RB1: variants seen among roughly 807,000 people sequenced by gnomAD.
The protein encoded by RB1 is retinoblastoma-associated protein.
Under a neutral mutation model 135.4 loss-of-function variants are expected in RB1, and 18 were observed. That is an observed-to-expected ratio of 0.13 (90% CI 0.09 to 0.20). The LOEUF is 0.20. Among genes scored for constraint, RB1 ranks in the 10% least tolerant of loss-of-function variants. The pLI, the probability that RB1 is intolerant of heterozygous loss-of-function variation, is 1.00. For missense variants in RB1, 868 were observed against 1,110.0 expected, an observed-to-expected ratio of 0.78 and a Z score of 3.10; for synonymous variants, 365 against 373.2, an observed-to-expected ratio of 0.98 and a Z score of 0.25.
At chr13:48,311,690 T>A (rs1393808109) in intron 2 of RB1, among the ~76,000 whole-genome samples, 1 of 152,164 alleles carries the variant, frequency 6.6e-6, no homozygotes, top group East Asian at 1.9e-4. Flanking sequence ...TAAATTCTGT[T>A]TTTTATTAAT....
At position 48,456,191 on chromosome 13, in the gene RB1, T is replaced by C. The variant is rs1285467120; in HGVS notation, c.1815-13T>C. 1.2e-6 allele frequency: 2 copies of C among 1,613,822 alleles called. No individual in the cohort carries two copies. The highest frequency in any genetic ancestry group is 8.5e-7 in the Non-Finnish European group (1 of 1,179,818). On this transcript the variant is annotated splice_polypyrimidine_tract_variant and intron_variant, in intron 18 of 26. Coordinates refer to ENST00000267163, the MANE Select transcript of RB1 (RefSeq NM_000321.3). ...CAACTTGAAATGAAGACTTTTCCTT[T>C]AAATATATCTAGGTATCTTTCTCCT...
intron 2 of RB1, among the ~76,000 whole-genome samples, chr13:48,322,240 CT>C (rs1021024957): frequency 2.0e-5 from 3 of 152,238 alleles, no homozygotes; most frequent in African/African-American, 7.2e-5. Flanking sequence ...GATCACCTTT[CT>C]TTTTATGGCT....
At chr13:48,410,618 A>AT (rs1392621167) in intron 17 of RB1, among the ~76,000 whole-genome samples, 9 of 152,098 alleles carry the variant, frequency 5.9e-5, no homozygotes, top group Admixed American at 5.9e-4. Flanking sequence ...GTAGTATTTT[A>AT]TTTTTTTGCT....
At chr13:48,307,675 T>G (rs1201888324) in intron 2 of RB1, among the ~76,000 whole-genome samples, 1 of 136,196 alleles carries the variant, frequency 7.3e-6, no homozygotes, top group African/African-American at 2.7e-5. Context: ...GGCAACATGG[T>G]GAAACCCTGT....
At chr13:48,317,504 A>C in intron 2 of RB1, 1 of 458,250 alleles carries the variant, frequency 2.2e-6, no homozygotes, top group Non-Finnish European at 4.0e-6. Context: ...CCCATGTGAA[A>C]GCTCCCCCCA....
intron 2 of RB1, among the ~76,000 whole-genome samples, chr13:48,341,532 G>A (rs1952442766): frequency 1.3e-5 from 2 of 151,964 alleles, no homozygotes; most frequent in Non-Finnish European, 1.5e-5. Flanking sequence ...TTTCACCAGT[G>A]ATGTTTAAGT....
chr13:48,423,487 A>G (rs918986484), intron 17 of RB1, among the ~76,000 whole-genome samples: 1 of 152,210 alleles, frequency 6.6e-6, no homozygotes, highest in Non-Finnish European at 1.5e-5. Flanking sequence ...AATATTCTGT[A>G]AAAGGCTTCC....
In RB1 at chr13:48,380,050, C is replaced by A. The variant is rs1948519706; in HGVS notation, c.1390-3C>A. On this transcript the variant is annotated splice_region_variant and splice_polypyrimidine_tract_variant and intron_variant, in intron 14 of 26. Coordinates refer to ENST00000267163, the MANE Select transcript of RB1 (RefSeq NM_000321.3). ...TTTTTTTTTTTTAAATTATCTGTTTCAGGAAGAAGAACGATTATCCATTCA... is the reference window on the plus strand; with the variant it reads ...TTTTTTTTTTTTAAATTATCTGTTTAAGGAAGAAGAACGATTATCCATTCA... 3.3e-6 allele frequency: 4 copies of A among 1,223,822 alleles called. No homozygotes were observed. Among genetic ancestry groups the A allele is most frequent in the Non-Finnish European group, 2.2e-6 (2 of 917,386 alleles). 75.8% of individuals were successfully genotyped at this position (1,223,822 alleles called of 1,614,324 possible). A position where few individuals can be genotyped will look rare whatever the true frequency, so the allele number is the denominator to read the frequency against.
chr13:48,396,628 A>G (rs1027121054), intron 17 of RB1, among the ~76,000 whole-genome samples: 2 of 152,240 alleles, frequency 1.3e-5, no homozygotes, highest in East Asian at 3.8e-4. Flanking sequence ...AATGGCAACA[A>G]AAGCCAAAAT....
chr13:48,448,981 A>G (rs1949308374), intron 17 of RB1, among the ~76,000 whole-genome samples: 1 of 152,202 alleles, frequency 6.6e-6, no homozygotes, highest in Non-Finnish European at 1.5e-5. Flanking sequence ...GGCTTTTTTA[A>G]AACTTGTTCT....
chr13:48,371,246 C>T (rs1269781379), intron 11 of RB1, among the ~76,000 whole-genome samples: 2 of 152,022 alleles, frequency 1.3e-5, no homozygotes, highest in Non-Finnish European at 2.9e-5. Context: ...TGCAAGTTCA[C>T]ATGGTAATAG....
At chr13:48,474,949 T>C (rs1353477346) in intron 24 of RB1, among the ~76,000 whole-genome samples, 6 of 152,120 alleles carry the variant, frequency 3.9e-5, no homozygotes, top group Admixed American at 3.3e-4. Flanking sequence ...CACCTACTTA[T>C]TATAACCTCA....
intron 4 of RB1, 38 bp from the exon 5 acceptor site, chr13:48,347,787 G>GA (rs1011917364): frequency 2.1e-6 from 3 of 1,463,318 alleles, no homozygotes; most frequent in Non-Finnish European, 1.9e-6. Flanking sequence ...TCTAAATTAC[G>GA]AAAAAATGTT....
rs975948170 is a variant in RB1, at chr13:48,480,448, C to T, written c.*377C>T. On this transcript the variant is annotated 3_prime_UTR_variant, in exon 27 of 27. Coordinates refer to ENST00000267163, the MANE Select transcript of RB1 (RefSeq NM_000321.3). The stretch of plus-strand genomic sequence containing the variant: ...TTGTAGCATATAGGTGATGTTTGCT[C>T]TTGTTTTTATTAATTTATATGTATA... 18 of 247,586 alleles carry T rather than the reference C, an allele frequency of 7.3e-5. No homozygotes were observed. The highest frequency in any genetic ancestry group is 4.0e-4 in the African/African-American group (18 of 45,460). The allele number at this position is 247,586 out of a possible 1,614,324, so 15.3% of individuals were successfully genotyped here.
Position 48,319,040 on chromosome 13 carries a change from C to A in RB1, c.264+11634C>A. 3.1e-6 allele frequency: 2 copies of A among 644,200 alleles called. No homozygotes were observed. The highest frequency in any genetic ancestry group is 2.9e-6 in the Non-Finnish European group (1 of 348,210). 39.9% of individuals were successfully genotyped at this position (644,200 alleles called of 1,614,324 possible). ...GGAAATGCCCAAGATTGCTTCCGCG[C>A]GCGTCAGTTCAGCGGACGTGTCTGC... On this transcript the variant is annotated intron_variant, in intron 2 of 26. Transcript: ENST00000267163. The surrounding 1 kb of genome is among the most constrained non-coding windows in gnomAD (Gnocchi z 5.0).
At chr13:48,389,669 G>A (rs1948596939) in intron 17 of RB1, 1 of 152,096 alleles carries the variant, frequency 6.6e-6, no homozygotes, top group Non-Finnish European at 1.5e-5. Flanking sequence ...GTGTCAGCAG[G>A]TGCCTGGAGC....
chr13:48,452,912 T>A lies in RB1; in HGVS notation c.1696-81T>A. 4 of 1,588,190 alleles carry A rather than the reference T, an allele frequency of 2.5e-6. No individual in the cohort carries two copies. The Admixed American group carries it at 6.7e-5, about 27-fold the overall frequency. On this transcript the variant is annotated intron_variant, in intron 17 of 26. Transcript: ENST00000267163. ...TGCCTAAAATTCATAGTACTTACCA[T>A]GTCAAACAATATGATTTTGATATGT...
At chr13:48,337,397 T>C (rs1952395180) in intron 2 of RB1, among the ~76,000 whole-genome samples, 1 of 152,100 alleles carries the variant, frequency 6.6e-6, no homozygotes, top group African/African-American at 2.4e-5. Context: ...GGATAGTTAG[T>C]TCTTCTTGTT....
At position 48,332,978 on chromosome 13, in the gene RB1, TA is replaced by T. The variant is rs539242144; in HGVS notation, c.265-9616del. 1.3e-3 allele frequency: 510 copies of T among 398,286 alleles called. 1 individual carries two copies. Among genetic ancestry groups the T allele is most frequent in the Middle Eastern group, 0.01 (16 of 1,586 alleles). The allele number at this position is 398,286 out of a possible 1,614,324, so 24.7% of individuals were successfully genotyped here. On this transcript the variant is annotated intron_variant, in intron 2 of 26. Coordinates refer to ENST00000267163, the MANE Select transcript of RB1 (RefSeq NM_000321.3). ...GAACAATTATGACAAGATGCTGTAA[TA>T]AAAAGTATGTGAATGTAGTCTGTTT...
Sources: allele counts gnomAD v4.1 joint callset (sites outside exome capture counted in the v4.1 genomes callset), GRCh38; gene constraint gnomAD v4.1.1; non-coding constraint Gnocchi (gnomAD v3.1); transcripts MANE v1.5; gene names NCBI Gene and HGNC (gene_info 2026-07-23, HGNC 2026-07-21).